The following GAS7 variants were observed in gnomAD, a reference collection of about 807,000 sequenced individuals.
The protein encoded by GAS7 is growth arrest-specific protein 7.
In GAS7, 28 loss-of-function variants were observed where a neutral mutation model predicts 71.1. That is an observed-to-expected ratio of 0.39 (90% CI 0.29 to 0.54). The LOEUF is 0.54. Ranked by LOEUF, GAS7 falls within the 20% of genes least tolerant of loss-of-function variation. The pLI, the probability that GAS7 is intolerant of heterozygous loss-of-function variation, is 0.62. For missense variants in GAS7, 436 were observed against 627.8 expected (o/e 0.69, Z 3.27); for synonymous variants, 258 against 245.8 (o/e 1.05, Z -0.46).
intron 1 of GAS7, among the ~76,000 whole-genome samples, chr17:10,126,342 A>T (rs970187852): frequency 3.7e-5 from 5 of 136,876 alleles, no homozygotes; most frequent in East Asian, 4.8e-4. Context: ...TCACACACAC[A>T]CTCATACACT....
chr17:10,134,730 G>A (rs1176976357), intron 1 of GAS7, among the ~76,000 whole-genome samples: 1 of 152,140 alleles, frequency 6.6e-6, no homozygotes, highest in African/African-American at 2.4e-5. Flanking sequence ...AAGCCACAGG[G>A]TTATAGCCCT....
At chr17:9,935,383 A>G (rs1043424205) in intron 8 of GAS7, among the ~76,000 whole-genome samples, 2 of 152,202 alleles carry the variant, frequency 1.3e-5, no homozygotes, top group Non-Finnish European at 2.9e-5. Flanking sequence ...TACATTCTCT[A>G]TGATTTGGAG....
intron 3 of GAS7, among the ~76,000 whole-genome samples, chr17:9,970,829 G>A (rs1192348678): frequency 6.6e-6 from 1 of 152,122 alleles, no homozygotes; most frequent in Non-Finnish European, 1.5e-5. Flanking sequence ...AGCATGGACG[G>A]TTTCAAGCCC....
chr17:10,042,589 T>C (rs1597740779), intron 1 of GAS7, among the ~76,000 whole-genome samples: 1 of 151,812 alleles, frequency 6.6e-6, no homozygotes, highest in African/African-American at 2.4e-5. Flanking sequence ...GTCGCAAACA[T>C]GGGCAAAAAA....
chr17:10,121,543 C>G (rs1483750759), intron 1 of GAS7, among the ~76,000 whole-genome samples: 1 of 152,168 alleles, frequency 6.6e-6, no homozygotes, highest in Non-Finnish European at 1.5e-5. Flanking sequence ...ATACTACTTA[C>G]AGGTCTATTG....
At chr17:9,937,148 C>T (rs978158515) in intron 8 of GAS7, among the ~76,000 whole-genome samples, 1 of 152,198 alleles carries the variant, frequency 6.6e-6, no homozygotes, top group Non-Finnish European at 1.5e-5. Context: ...GGCTGCTGTG[C>T]GTGCATGCAC....
At position 10,178,933 on chromosome 17, in the gene GAS7, G is replaced by A. The variant is rs139392180; in HGVS notation, c.183+19275C>T. Among the ~76,000 whole-genome samples, 505 of 151,812 alleles carry A rather than the reference G, an allele frequency of 3.3e-3. 8 individuals are homozygous for A. In the East Asian group the frequency reaches 0.045, roughly 13 times the overall value. On this transcript the variant is annotated intron_variant, in intron 1 of 13. Coordinates refer to ENST00000432992, the MANE Select transcript of GAS7 (RefSeq NM_201433.2). Reference sequence around the variant, plus strand: ...ACCACCTTGGAGGATCCGATTATACGGCCAGGACAGACAGGTGCTGGGGCA... The same window carrying A: ...ACCACCTTGGAGGATCCGATTATACAGCCAGGACAGACAGGTGCTGGGGCA...
intron 5 of GAS7, among the ~76,000 whole-genome samples, chr17:9,956,613 C>T (rs2152110126): frequency 6.6e-6 from 1 of 152,320 alleles, no homozygotes; most frequent in East Asian, 1.9e-4. Flanking sequence ...AAACAAGACC[C>T]AGCAAGGCTG....
chr17:10,134,171 C>A (rs528368279), intron 1 of GAS7, among the ~76,000 whole-genome samples: 1 of 152,122 alleles, frequency 6.6e-6, no homozygotes, highest in South Asian at 2.1e-4. Context: ...GCTGGGACTA[C>A]AGGCACCATC....
intron 1 of GAS7, among the ~76,000 whole-genome samples, chr17:10,165,592 G>A (rs1443568440): frequency 6.6e-6 from 1 of 152,220 alleles, no homozygotes; most frequent in Non-Finnish European, 1.5e-5. Context: ...TGCCAAGAGT[G>A]TCTTTAAAAA....
At chr17:10,083,766 C>T (rs892010834) in intron 1 of GAS7, among the ~76,000 whole-genome samples, 7 of 152,190 alleles carry the variant, frequency 4.6e-5, no homozygotes, top group African/African-American at 1.4e-4. Context: ...ATGGGGAGTG[C>T]ATGCTGATTG....
At chr17:10,151,475 T>C (rs548556987) in intron 1 of GAS7, among the ~76,000 whole-genome samples, 1 of 152,348 alleles carries the variant, frequency 6.6e-6, no homozygotes, top group African/African-American at 2.4e-5. Flanking sequence ...TTAAATATTA[T>C]TCTACGTCAT....
At chr17:9,984,636 G>A (rs527498753) in intron 2 of GAS7, among the ~76,000 whole-genome samples, 55 of 152,236 alleles carry the variant, frequency 3.6e-4, no homozygotes, top group Middle Eastern at 3.4e-3. Context: ...CCATTCATAC[G>A]CTGAGTGACC....
chr17:10,011,197 T>A (rs183292173), intron 2 of GAS7, among the ~76,000 whole-genome samples: 1 of 152,350 alleles, frequency 6.6e-6, no homozygotes, highest in Non-Finnish European at 1.5e-5. Flanking sequence ...GGACTCTTCA[T>A]AGTTCCATCA....
chr17:10,017,972 AAT>A (rs2072109481), intron 2 of GAS7, among the ~76,000 whole-genome samples: 1 of 152,228 alleles, frequency 6.6e-6, no homozygotes, highest in African/African-American at 2.4e-5. Flanking sequence ...ATTGATATAA[AAT>A]ATGACTTAAA....
intron 1 of GAS7, among the ~76,000 whole-genome samples, chr17:10,136,958 C>T (rs930537169): frequency 1.3e-5 from 2 of 151,954 alleles, no homozygotes; most frequent in Admixed American, 6.6e-5. Context: ...CCCGTCTCTA[C>T]AAAAAATTAG....
chr17:10,010,167 T>G (rs1040537316), intron 2 of GAS7, among the ~76,000 whole-genome samples: 1 of 151,914 alleles, frequency 6.6e-6, no homozygotes, highest in Non-Finnish European at 1.5e-5. Flanking sequence ...CTTTCTTTTT[T>G]GGGGGGGCGT....
At chr17:10,063,517 A>G (rs1277570917) in intron 1 of GAS7, among the ~76,000 whole-genome samples, 1 of 152,222 alleles carries the variant, frequency 6.6e-6, no homozygotes, top group Non-Finnish European at 1.5e-5. Flanking sequence ...TTCTATGATT[A>G]TGCTTATTCC....
At chr17:9,987,471 T>C (rs2070689514) in intron 2 of GAS7, among the ~76,000 whole-genome samples, 1 of 152,250 alleles carries the variant, frequency 6.6e-6, no homozygotes, top group South Asian at 2.1e-4. Flanking sequence ...CGAATGCCAG[T>C]GTCTACCCCA....
Sources: gnomAD v4.1 joint callset for allele counts (sites outside exome capture counted in the v4.1 genomes callset) on GRCh38, gnomAD v4.1.1 for gene constraint, MANE v1.5 for transcripts, NCBI Gene and HGNC (gene_info 2026-07-23, HGNC 2026-07-21) for gene names.